The following SLC44A3 variants were observed in gnomAD, a reference collection of about 807,000 sequenced individuals.
The protein encoded by SLC44A3 is solute carrier family 44 member 3, also known as choline transporter-like protein 3.
In SLC44A3, 74 loss-of-function variants were observed where a neutral mutation model predicts 75.4. The observed-to-expected ratio is 0.98, with a 90% CI of 0.81 to 1.19. The LOEUF is 1.19. Ranked by LOEUF, SLC44A3 falls within the 50% of genes most tolerant of loss-of-function variation. The pLI is 0.00. For synonymous variants in SLC44A3, 310 were observed against 296.9 expected, an observed-to-expected ratio of 1.04 and a Z score of -0.45; for missense variants, 700 against 778.6, an observed-to-expected ratio of 0.90 and a Z score of 1.20.
chr1:94,835,818 C>G (rs1441281352), intron 5 of SLC44A3, among the ~76,000 whole-genome samples: 1 of 152,100 alleles, frequency 6.6e-6, no homozygotes, highest in Non-Finnish European at 1.5e-5. Flanking sequence ...TGCAAGAAAC[C>G]AAAAATCATG....
At chr1:94,821,771 G>T (rs1660626607) in intron 2 of SLC44A3, among the ~76,000 whole-genome samples, 1 of 152,196 alleles carries the variant, frequency 6.6e-6, no homozygotes, top group Non-Finnish European at 1.5e-5. Context: ...TTGCTGCATG[G>T]TAAATGATTA....
chr1:94,851,677 C>T (rs915360265), intron 9 of SLC44A3, among the ~76,000 whole-genome samples: 1 of 152,324 alleles, frequency 6.6e-6, no homozygotes, highest in Admixed American at 6.5e-5. Context: ...AGATTTTCCT[C>T]TCTTTTTTCC....
At chr1:94,886,945 T>A (rs1343062786) in intron 12 of SLC44A3, among the ~76,000 whole-genome samples, 5 of 152,090 alleles carry the variant, frequency 3.3e-5, no homozygotes, top group Non-Finnish European at 7.4e-5. Context: ...TCCACCCACC[T>A]GTTTTGTGAT....
At chr1:94,880,848 T>C (rs1305310780) in intron 12 of SLC44A3, among the ~76,000 whole-genome samples, 2 of 150,702 alleles carry the variant, frequency 1.3e-5, no homozygotes, top group African/African-American at 4.9e-5. Context: ...TACTGAACTC[T>C]ACAGTTAAAA....
intron 9 of SLC44A3, among the ~76,000 whole-genome samples, chr1:94,849,948 G>A (rs11165261): frequency 0.059 from 8,898 of 151,974 alleles, 642 homozygotes; most frequent in East Asian, 0.22. Context: ...GGATTTTGCC[G>A]TGTTGCCCAG....
chr1:94,871,163 G>A (rs1285959692), intron 12 of SLC44A3, among the ~76,000 whole-genome samples: 1 of 152,240 alleles, frequency 6.6e-6, no homozygotes, highest in Non-Finnish European at 1.5e-5. Context: ...ACCTGGGGAT[G>A]TGAGCAAAGC....
intron 7 of SLC44A3, 63 bp downstream of exon 7, chr1:94,840,100 C>T (rs937128849): frequency 2.8e-6 from 4 of 1,431,650 alleles, no homozygotes; most frequent in Non-Finnish European, 3.9e-6. Context: ...ACATTAAGTA[C>T]AGAACTTAAA....
chr1:94,853,500 G>A (rs1262542056), intron 9 of SLC44A3, among the ~76,000 whole-genome samples: 4 of 152,048 alleles, frequency 2.6e-5, no homozygotes, highest in Non-Finnish European at 5.9e-5. Flanking sequence ...TGATGAAGAG[G>A]GTGAAAATTA....
intron 14 of SLC44A3, among the ~76,000 whole-genome samples, chr1:94,893,672 C>T (rs1670465498): frequency 2.0e-5 from 3 of 152,158 alleles, no homozygotes; most frequent in African/African-American, 2.4e-5. Flanking sequence ...CCACCGCACT[C>T]AGCCAAAATA....
At chr1:94,857,268 C>T (rs1435335669) in intron 9 of SLC44A3, 67 bp from the exon 10 acceptor site, 1 of 1,433,124 alleles carries the variant, frequency 7.0e-7, no homozygotes. Context: ...AGAAACATGG[C>T]TTGTTGAACC....
chr1:94,885,000 C>G (rs1669406626), intron 12 of SLC44A3, among the ~76,000 whole-genome samples: 1 of 152,070 alleles, frequency 6.6e-6, no homozygotes, highest in African/African-American at 2.4e-5. Flanking sequence ...AATCCCAACA[C>G]TTTGGGAGCC....
At chr1:94,860,359 AC>A (rs1557854234) in intron 10 of SLC44A3, among the ~76,000 whole-genome samples, 1 of 152,206 alleles carries the variant, frequency 6.6e-6, no homozygotes, top group Non-Finnish European at 1.5e-5. Flanking sequence ...AGACAAAGAG[AC>A]ACAAAATAAG....
chr1:94,854,715 C>T (rs563424452), intron 9 of SLC44A3, among the ~76,000 whole-genome samples: 1 of 151,644 alleles, frequency 6.6e-6, no homozygotes, highest in South Asian at 2.1e-4. Flanking sequence ...CAATGGTTCT[C>T]AAGCCCCCCG....
intron 12 of SLC44A3, among the ~76,000 whole-genome samples, chr1:94,876,365 T>C (rs963860868): frequency 2.6e-5 from 4 of 152,348 alleles, no homozygotes; most frequent in African/African-American, 4.8e-5. Context: ...CTTTGGGGCA[T>C]TGCTCTTTGT....
rs539785628 is a variant in SLC44A3 at position 94,831,436 on chromosome 1, C to T, written c.509+2850C>T. On this transcript the variant is annotated intron_variant, in intron 5 of 14. Coordinates refer to ENST00000271227, the MANE Select transcript of SLC44A3 (RefSeq NM_001114106.3). ...AGGGCCAAAGAACATTTTCTAAATA[C>T]CTCTTTTTGACTAAACTGATTGTTT... Among the ~76,000 whole-genome samples the T allele has an allele frequency of 5.3e-5, 8 of 152,290 alleles. No individual in the cohort carries two copies. In the East Asian group the frequency reaches 1.5e-3, roughly 29 times the overall value.
At chr1:94,885,742 G>A (rs1450651735) in intron 12 of SLC44A3, among the ~76,000 whole-genome samples, 2 of 152,150 alleles carry the variant, frequency 1.3e-5, no homozygotes, top group South Asian at 2.1e-4. Context: ...CTACCTCATC[G>A]GGTTGGAGTT....
intron 12 of SLC44A3, among the ~76,000 whole-genome samples, chr1:94,890,276 A>ATACTTTTT (rs1401555130): frequency 6.6e-6 from 1 of 152,030 alleles, no homozygotes; most frequent in African/African-American, 2.4e-5. Context: ...ACCTCTCTAA[A>ATACTTTTT]TACTTTTTTT....
chr1:94,893,604 G>A (rs1670456652), intron 14 of SLC44A3, among the ~76,000 whole-genome samples: 1 of 151,998 alleles, frequency 6.6e-6, no homozygotes, highest in Non-Finnish European at 1.5e-5. Flanking sequence ...TTGAACTCCT[G>A]ACCTCAGGTG....
At chr1:94,823,245 C>A (rs1237073594) in intron 2 of SLC44A3, among the ~76,000 whole-genome samples, 1 of 152,242 alleles carries the variant, frequency 6.6e-6, no homozygotes, top group Non-Finnish European at 1.5e-5. Flanking sequence ...TACACTCCAA[C>A]TCGAAAGGAC....
Sources: gnomAD v4.1 joint callset for allele counts (sites outside exome capture counted in the v4.1 genomes callset) on GRCh38, gnomAD v4.1.1 for gene constraint, MANE v1.5 for transcripts, NCBI Gene and HGNC (gene_info 2026-07-23, HGNC 2026-07-21) for gene names.